OR2S2: variants seen among roughly 807,000 people sequenced by gnomAD.
The protein encoded by OR2S2 is olfactory receptor 2S2.
For synonymous variants in OR2S2, 153 were observed against 159.3 expected, an observed-to-expected ratio of 0.96 and a Z score of 0.30; for missense variants, 365 against 389.5, an observed-to-expected ratio of 0.94 and a Z score of 0.53.
In OR2S2 at chr9:35,957,883, G is replaced by C. The variant is rs1360194705; in HGVS notation, c.216C>G (p.Ile72Met). ...GTGGGACTGAGGAGGTAGTGAAGCA[G>C]ATGTCCAGGAAGGAGAGGTTCCCTA... ...FFLGNLSFLD[I>M]CFTTSSVPLV... Residue 72 changes from isoleucine (I) to methionine (M), a missense_variant, in exon 1 of 1, where the codon ATC (isoleucine) becomes ATG (methionine). Transcript: ENST00000341959. 6.2e-7 allele frequency: 1 copy of C among 1,614,098 alleles called. No homozygotes were observed. The highest frequency in any genetic ancestry group is 8.5e-7 in the Non-Finnish European group (1 of 1,180,034).
rs755127407 is a variant in OR2S2 at position 35,957,286 on chromosome 9, T to G, written c.813A>C (p.Ala271=). 3 of 1,614,188 alleles carry G rather than the reference T, an allele frequency of 1.9e-6. No individual in the cohort carries two copies. In the Admixed American group the frequency reaches 5.0e-5, roughly 27 times the overall value. The change falls in exon 1 of 1, where the codon GCA becomes GCC. Residue 271 remains alanine (A), a synonymous_variant. Coordinates refer to ENST00000341959, the MANE Select transcript of OR2S2 (RefSeq NM_019897.2). ...GTTTGTCTGAAAGATCCTCTTTGTC[T>G]GCTCCCATGGAGTCCTTAGACTTAG... ...GKPKSKDSMG[A]DKEDLSDKLI...
rs1268531813 is a variant in OR2S2 at position 35,957,725 on chromosome 9, A to G, written c.374T>C (p.Val125Ala). ...LLSMMAFDRY[V>A]AICNPLRYSV... ...GTACCTAAGGGGGTTGCAGATGGCC[A>G]CATAGCGATCAAATGCCATCATGCT... Residue 125 changes from valine to alanine, a missense_variant, in exon 1 of 1, where the codon GTG becomes GCG. Coordinates refer to ENST00000341959, the MANE Select transcript of OR2S2 (RefSeq NM_019897.2). 6.2e-7 allele frequency: 1 copy of G among 1,614,246 alleles called. No homozygotes were observed. The highest frequency in any genetic ancestry group is 1.1e-5 in the South Asian group (1 of 91,084).
Position 35,957,587 on chromosome 9 carries a change from C to A in OR2S2, c.512G>T (p.Gly171Val), listed in dbSNP as rs1431291429. Residue 171 changes from glycine to valine, a missense_variant, in exon 1 of 1, where the codon GGA becomes GTA. Transcript: ENST00000341959. ...GGTGAAGTGGTTGATGACATTGTCT[C>A]CACAGAAGGGCAGCTGAATTGCCAA... ...TSLAIQLPFC[G>V]DNVINHFTCE... The A allele has an allele frequency of 6.2e-7, 1 of 1,614,222 alleles. No homozygotes were observed. The highest frequency in any genetic ancestry group is 1.1e-5 in the South Asian group (1 of 91,080).
chr9:35,957,123 G>A lies in OR2S2; in HGVS notation c.*16C>T, dbSNP rs1228021738. 1 of 1,553,474 alleles carries A rather than the reference G, an allele frequency of 6.4e-7. No homozygotes were observed. Among genetic ancestry groups the A allele is most frequent in the South Asian group, 1.2e-5 (1 of 81,246 alleles). On this transcript the variant is annotated 3_prime_UTR_variant, in exon 1 of 1. Transcript: ENST00000341959. ...TACTTCCATGTGGGTGACAATCACA[G>A]AGGACCCTTCCACCATCACTGAGTG...
rs148843450 is a variant in OR2S2, at chr9:35,957,941, T to C, written c.158A>G (p.Asp53Gly). 2.1e-5 allele frequency: 34 copies of C among 1,613,280 alleles called. No individual in the cohort carries two copies. The highest frequency in any genetic ancestry group is 2.8e-5 in the Non-Finnish European group (33 of 1,179,888). The change falls in exon 1 of 1, where the codon GAC becomes GGC. Residue 53 changes from aspartate (D) to glycine (G), a missense_variant. Asp to Gly is a moderately conservative substitution (Grantham distance 94, BLOSUM62 -1). Transcript: ENST00000341959. ...NGVLILVTILDSRLHTPMYFF... is the reference protein window; with the variant it reads ...NGVLILVTILGSRLHTPMYFF... The stretch of plus-strand genomic sequence containing the variant: ...GTACATGGGCGTGTGCAGGCGGGAG[T>C]CAAGGATGGTCACCAGGATGAGGAC...
At position 35,957,629 on chromosome 9, in the gene OR2S2, G is replaced by C; in HGVS notation, c.470C>G (p.Ser157Cys). The C allele has an allele frequency of 1.2e-6, 2 of 1,614,228 alleles. No individual in the cohort carries two copies. Among genetic ancestry groups the C allele is most frequent in the Non-Finnish European group, 1.7e-6 (2 of 1,180,032 alleles). The change falls in exon 1 of 1, where the codon TCC becomes TGC. Residue 157 changes from serine to cysteine, a missense_variant. Transcript: ENST00000341959. ...ASSWAIGGAA[S>C]VVHTSLAIQL... ...AATTGCCAAGGATGTGTGTACCACG[G>C]AAGCAGCACCACCAATAGCCCAGGA...
chr9:35,957,368 G>T lies in OR2S2; in HGVS notation c.731C>A (p.Ala244Asp), dbSNP rs534148039. 2.5e-6 allele frequency: 4 copies of T among 1,614,160 alleles called. No individual in the cohort carries two copies. The Admixed American group carries it at 5.0e-5, about 20-fold the overall frequency. ...GAAGACGATCACCACGGTGAGGTGG[G>T]CAGAGCAGGTGGAGAAGACCTTTTT... ...GRKKVFSTCSAHLTVVIVFYG... is the reference protein window; with the variant it reads ...GRKKVFSTCSDHLTVVIVFYG... Residue 244 changes from alanine (A) to aspartate (D), a missense_variant, in exon 1 of 1, where the codon GCC becomes GAC. By Grantham distance (126) the Ala-to-Asp change is moderately radical. Coordinates refer to ENST00000341959, the MANE Select transcript of OR2S2 (RefSeq NM_019897.2).
Position 35,957,143 on chromosome 9 carries a change from T to G in OR2S2, c.956A>C (p.Gln319Pro). 2.5e-6 allele frequency: 4 copies of G among 1,584,912 alleles called. No homozygotes were observed. Among genetic ancestry groups the G allele is most frequent in the African/African-American group, 1.3e-5 (1 of 74,266 alleles). Residue 319 changes from glutamine to proline, a missense_variant, in exon 1 of 1, where the codon CAG becomes CCG. Transcript: ENST00000341959. The stretch of plus-strand genomic sequence containing the variant: ...TCACAGAGGACCCTTCCACCATCAC[T>G]GAGTGAAGCCTTTTGGTCTCAGCAG... ...RRLLRPKGFT[Q>P] is the part of the protein sequence containing the mutation.
In OR2S2 at chr9:35,957,508, C is replaced by G; in HGVS notation, c.591G>C (p.Val197=). ...TCACATTCGTCACCTCCATGCTGAT[C>G]ACATTGATGGAAATGTCAGCACAGG... ...KLACADISIN[V]ISMEVTNVIF... The change falls in exon 1 of 1, where the codon GTG becomes GTC. Residue 197 remains valine (V), a synonymous_variant. Coordinates refer to ENST00000341959, the MANE Select transcript of OR2S2 (RefSeq NM_019897.2). 6.2e-7 allele frequency: 1 copy of G among 1,614,170 alleles called. No individual in the cohort carries two copies. The highest frequency in any genetic ancestry group is 8.5e-7 in the Non-Finnish European group (1 of 1,180,032).
rs751864846 is a variant in OR2S2, at chr9:35,958,126, T to C, written c.-28A>G. 2 of 1,593,664 alleles carry C rather than the reference T, an allele frequency of 1.3e-6. No individual in the cohort carries two copies. The highest frequency in any genetic ancestry group is 1.7e-6 in the Non-Finnish European group (2 of 1,169,656). On this transcript the variant is annotated 5_prime_UTR_variant, in exon 1 of 1. Coordinates refer to ENST00000341959, the MANE Select transcript of OR2S2 (RefSeq NM_019897.2). ...GATATCCCCTCTGCCATCAGCAAAG[T>C]ACTGAGCAGCGCATCAGGCTTTTTG...
rs138157836 is a variant in OR2S2, at chr9:35,957,153, C to T, written c.946G>A (p.Gly316Ser). The T allele has an allele frequency of 4.4e-6, 7 of 1,597,176 alleles. No individual in the cohort carries two copies. In the African/African-American group the frequency reaches 9.4e-5, roughly 21 times the overall value. The change falls in exon 1 of 1, where the codon GGC becomes AGC. Residue 316 changes from glycine to serine, a missense_variant. By Grantham distance (56) the Gly-to-Ser change is moderately conservative (BLOSUM62 0). Transcript: ENST00000341959. ...CCCTTCCACCATCACTGAGTGAAGC[C>T]TTTTGGTCTCAGCAGTCTCCTCACA... ...AAVRRLLRPKGFTQ is the reference protein window; with the variant it reads ...AAVRRLLRPKSFTQ
At position 35,957,340 on chromosome 9, in the gene OR2S2, G is replaced by T. The variant is rs180934471; in HGVS notation, c.759C>A (p.Tyr253Ter). The change falls in exon 1 of 1, where the codon TAC becomes TAA. Residue 253 changes from tyrosine (Y) to a stop codon, truncating the protein, a stop_gained. Coordinates refer to ENST00000341959, the MANE Select transcript of OR2S2 (RefSeq NM_019897.2). LOFTEE classifies it low-confidence loss of function (END_TRUNC). ...SAHLTVVIVF[Y>*]GTLFFMYGKP... ...TCCCATACATGAAGAATAAGGTCCC[G>T]TAGAAGACGATCACCACGGTGAGGT... The T allele has an allele frequency of 2.1e-5, 34 of 1,614,042 alleles. No individual in the cohort carries two copies. Among genetic ancestry groups the T allele is most frequent in the Non-Finnish European group, 2.7e-5 (32 of 1,180,036 alleles).
chr9:35,957,334 G>T lies in OR2S2; in HGVS notation c.765C>A (p.Thr255=). 6.2e-7 allele frequency: 1 copy of T among 1,614,140 alleles called. No individual in the cohort carries two copies. The highest frequency in any genetic ancestry group is 1.7e-5 in the Admixed American group (1 of 60,018). ...HLTVVIVFYG[T]LFFMYGKPKS... ...TAGGCTTCCCATACATGAAGAATAA[G>T]GTCCCGTAGAAGACGATCACCACGG... Residue 255 remains threonine (T), a synonymous_variant, in exon 1 of 1, where the codon ACC becomes ACA. Coordinates refer to ENST00000341959, the MANE Select transcript of OR2S2 (RefSeq NM_019897.2).
rs776632043 is a variant in OR2S2, at chr9:35,957,606, T to C, written c.493A>G (p.Ile165Val). The C allele has an allele frequency of 2.5e-6, 4 of 1,614,088 alleles. No homozygotes were observed. Among genetic ancestry groups the C allele is most frequent in the African/African-American group, 2.7e-5 (2 of 74,924 alleles). The change falls in exon 1 of 1, where the codon ATT becomes GTT. Residue 165 changes from isoleucine to valine, a missense_variant. Coordinates refer to ENST00000341959, the MANE Select transcript of OR2S2 (RefSeq NM_019897.2). ...AASVVHTSLA[I>V]QLPFCGDNVI... The stretch of plus-strand genomic sequence containing the variant: ...TTGTCTCCACAGAAGGGCAGCTGAA[T>C]TGCCAAGGATGTGTGTACCACGGAA...
rs1033722009 is a variant in OR2S2 at position 35,958,051 on chromosome 9, C to T, written c.48G>A (p.Leu16=). The change falls in exon 1 of 1, where the codon CTG becomes CTA. Residue 16 remains leucine (L), a synonymous_variant. Coordinates refer to ENST00000341959, the MANE Select transcript of OR2S2 (RefSeq NM_019897.2). ...CCAGCTCTGGGTGGGCAGAGAGCCT[C>T]AGGAGAACGAACCCCATCACAGGGG... is the stretch of plus-strand genomic sequence containing the variant. ...ETSPVMGFVL[L]RLSAHPELEK... is the part of the protein sequence containing the mutation. 8 of 1,614,030 alleles carry T rather than the reference C, an allele frequency of 5.0e-6. No individual in the cohort carries two copies. In the African/African-American group the frequency reaches 9.3e-5, roughly 19 times the overall value.
rs1449333605 is a variant in OR2S2, at chr9:35,957,308, T to G, written c.791A>C (p.Lys264Thr). 1.2e-6 allele frequency: 2 copies of G among 1,614,140 alleles called. No homozygotes were observed. Among genetic ancestry groups the G allele is most frequent in the East Asian group, 4.5e-5 (2 of 44,886 alleles). The change falls in exon 1 of 1, where the codon AAG (lysine) becomes ACG (threonine). Residue 264 changes from lysine to threonine, a missense_variant. By Grantham distance (78) the Lys-to-Thr change is moderately conservative. Coordinates refer to ENST00000341959, the MANE Select transcript of OR2S2 (RefSeq NM_019897.2). ...GTCTGCTCCCATGGAGTCCTTAGAC[T>G]TAGGCTTCCCATACATGAAGAATAA... ...GTLFFMYGKP[K>T]SKDSMGADKE...
Position 35,958,144 on chromosome 9 carries a change from G to C in OR2S2, c.-46C>G. 6.4e-7 allele frequency: 1 copy of C among 1,561,728 alleles called. No homozygotes were observed. The highest frequency in any genetic ancestry group is 8.7e-7 in the Non-Finnish European group (1 of 1,153,996). On this transcript the variant is annotated 5_prime_UTR_variant, in exon 1 of 1. Coordinates refer to ENST00000341959, the MANE Select transcript of OR2S2 (RefSeq NM_019897.2). The stretch of plus-strand genomic sequence containing the variant: ...AGCAAAGTACTGAGCAGCGCATCAG[G>C]CTTTTTGGGAAGAGTCCTAGGCATC...
Position 35,957,452 on chromosome 9 carries a change from G to C in OR2S2, c.647C>G (p.Ser216Cys). 1 of 1,614,188 alleles carries C rather than the reference G, an allele frequency of 6.2e-7. No individual in the cohort carries two copies. Among genetic ancestry groups the C allele is most frequent in the Non-Finnish European group, 8.5e-7 (1 of 1,180,032 alleles). The change falls in exon 1 of 1, where the codon TCT (serine) becomes TGT (cysteine). Residue 216 changes from serine (S) to cysteine (C), a missense_variant. Transcript: ENST00000341959. ...GGTGATGATGAAGACATAGGAGAAA[G>C]AGATGAACAGAACCGGGACTCCTAG... ...IFLGVPVLFI[S>C]FSYVFIITTI... is the part of the protein sequence containing the mutation.
chr9:35,957,996 T>G lies in OR2S2; in HGVS notation c.103A>C (p.Met35Leu), dbSNP rs757109005. The G allele has an allele frequency of 1.5e-5, 25 of 1,613,914 alleles. No individual in the cohort carries two copies. Among genetic ancestry groups the G allele is most frequent in the Non-Finnish European group, 2.0e-5 (24 of 1,180,010 alleles). ...EKTFFVLILL[M>L]YLVILLGNGV... is the part of the protein sequence containing the mutation. ...TTGCCCAGCAGGATCACGAGGTACATCAGCAGGATGAGCACGAAGAATGTC... is the reference window on the plus strand; with the variant it reads ...TTGCCCAGCAGGATCACGAGGTACAGCAGCAGGATGAGCACGAAGAATGTC... Residue 35 changes from methionine to leucine, a missense_variant, in exon 1 of 1, where the codon ATG becomes CTG. Coordinates refer to ENST00000341959, the MANE Select transcript of OR2S2 (RefSeq NM_019897.2).
Sources: allele counts gnomAD v4.1 joint callset, GRCh38; gene constraint gnomAD v4.1.1; transcripts MANE v1.5; gene names NCBI Gene and HGNC (gene_info 2026-07-23, HGNC 2026-07-21).